The following PLD5 variants were observed in gnomAD, a reference collection of about 807,000 sequenced individuals.
PLD5 encodes phospholipase D family member 5, also known as inactive phospholipase D5.
PLD5 carries 36 observed loss-of-function variants against 61.1 expected under a neutral mutation model. The observed-to-expected ratio is 0.59, with a 90% CI of 0.45 to 0.78. PLD5 has a LOEUF of 0.78. Among genes scored for constraint, PLD5 ranks in the 30% least tolerant of loss-of-function variants. The probability of loss-of-function intolerance (pLI) is 0.00; values close to 1 mark genes in which losing one functional copy is unlikely to be tolerated. For missense variants in PLD5, 515 were observed against 644.4 expected (o/e 0.80, Z 2.17); for synonymous variants, 243 against 242.8 (o/e 1.00, Z -0.01).
chr1:242,290,783 A>T (rs1299838470), intron 2 of PLD5, among the ~76,000 whole-genome samples: 4 of 151,190 alleles, frequency 2.6e-5, no homozygotes, highest in Non-Finnish European at 4.4e-5. Flanking sequence ...TTTTCTTGCA[A>T]AACCAACATA....
chr1:242,263,947 C>A (rs1432109772), intron 4 of PLD5, among the ~76,000 whole-genome samples: 1 of 152,160 alleles, frequency 6.6e-6, no homozygotes, highest in Non-Finnish European at 1.5e-5. Flanking sequence ...TGGGCTATGG[C>A]AAGAAAGAGA....
At chr1:242,133,026 C>T (rs189971402) in intron 5 of PLD5, among the ~76,000 whole-genome samples, 74 of 128,598 alleles carry the variant, frequency 5.8e-4, no homozygotes, top group African/African-American at 2.0e-3. Context: ...CCCCTCTCTT[C>T]CCACCCCCGC....
intron 5 of PLD5, among the ~76,000 whole-genome samples, chr1:242,204,326 T>C (rs1316373087): frequency 2.0e-5 from 3 of 152,176 alleles, no homozygotes; most frequent in East Asian, 1.9e-4. Flanking sequence ...GGTATTACCA[T>C]TGATAATAAC....
intron 5 of PLD5, among the ~76,000 whole-genome samples, chr1:242,204,390 C>T (rs1249245154): frequency 2.0e-5 from 3 of 152,188 alleles, no homozygotes; most frequent in African/African-American, 4.8e-5. Context: ...TCAAGACCTT[C>T]CTTCAAGGGA....
chr1:242,402,127 G>A (rs543960664), intron 1 of PLD5, among the ~76,000 whole-genome samples: 3 of 152,188 alleles, frequency 2.0e-5, no homozygotes, highest in Non-Finnish European at 2.9e-5. Flanking sequence ...CATTCATGCC[G>A]AGAGAATGAT....
At chr1:242,394,704 ACATATATGTG>A (rs1329534799) in intron 1 of PLD5, among the ~76,000 whole-genome samples, 4 of 51,154 alleles carry the variant, frequency 7.8e-5, no homozygotes, top group African/African-American at 9.6e-5. Flanking sequence ...ATATATGTGA[ACATATATGTG>A]TATATATGTG....
intron 1 of PLD5, among the ~76,000 whole-genome samples, chr1:242,359,616 G>A (rs1410310343): frequency 6.6e-6 from 1 of 152,112 alleles, no homozygotes; most frequent in Non-Finnish European, 1.5e-5. Flanking sequence ...ACTGTTTGTG[G>A]GCTCAGGCTG....
chr1:242,137,196 G>A (rs1428097483), intron 5 of PLD5, among the ~76,000 whole-genome samples: 2 of 152,146 alleles, frequency 1.3e-5, no homozygotes, highest in Non-Finnish European at 2.9e-5. Flanking sequence ...TCAGCTGATT[G>A]GAAAATGCAA....
At chr1:242,509,482 A>C (rs935731817) in intron 1 of PLD5, among the ~76,000 whole-genome samples, 2 of 152,242 alleles carry the variant, frequency 1.3e-5, no homozygotes, top group Non-Finnish European at 2.9e-5. Context: ...GCTAGTTATC[A>C]GCGGGGATAT....
intron 1 of PLD5, among the ~76,000 whole-genome samples, chr1:242,398,887 T>A (rs1358817052): frequency 6.6e-6 from 1 of 152,152 alleles, no homozygotes; most frequent in African/African-American, 2.4e-5. Context: ...TTCTATACAG[T>A]CATAGGATAT....
chr1:242,292,498 C>A (rs1295295759), intron 2 of PLD5, among the ~76,000 whole-genome samples: 1 of 152,160 alleles, frequency 6.6e-6, no homozygotes, highest in African/African-American at 2.4e-5. Flanking sequence ...GTCCCTATGG[C>A]TTCTCTTGGG....
intron 7 of PLD5, among the ~76,000 whole-genome samples, chr1:242,108,101 A>G (rs892971381): frequency 1.2e-4 from 19 of 152,104 alleles, no homozygotes. Context: ...GGGTGAGGAC[A>G]GGCTGACTGC....
Position 242,222,273 on chromosome 1 carries a change from T to C in PLD5, c.608-2158A>G, listed in dbSNP as rs207461345. Among the ~76,000 whole-genome samples, 3 of 152,112 alleles carry C rather than the reference T, an allele frequency of 2.0e-5. No individual in the cohort carries two copies. The South Asian group carries it at 6.2e-4, about 32-fold the overall frequency. On this transcript the variant is annotated intron_variant, in intron 4 of 9. Transcript: ENST00000536534. ...ACAGTCTGCAGTTCTGGGGATTACA[T>C]CTTCTACATATCTTTCTGGGGGATG...
chr1:242,458,793 T>C lies in PLD5; in HGVS notation c.189+65295A>G, dbSNP rs956549115. ...TTTAATCAATATCATAGTATTTTAA[T>C]AGTCAGAGCCAGAGACGGTATTTGG... On this transcript the variant is annotated intron_variant, in intron 1 of 9. Transcript: ENST00000536534. Among the ~76,000 whole-genome samples the C allele has an allele frequency of 9.2e-4, 140 of 152,346 alleles. 1 individual carries two copies. The highest frequency in any genetic ancestry group is 3.2e-3 in the African/African-American group (132 of 41,590).
At chr1:242,418,728 G>A (rs983408271) in intron 1 of PLD5, among the ~76,000 whole-genome samples, 19 of 152,104 alleles carry the variant, frequency 1.2e-4, no homozygotes, top group African/African-American at 3.6e-4. Context: ...TTTCATCACC[G>A]AATTGAGCAT....
chr1:242,429,653 T>C (rs369438949), intron 1 of PLD5, among the ~76,000 whole-genome samples: 2 of 152,364 alleles, frequency 1.3e-5, no homozygotes, highest in African/African-American at 4.8e-5. Flanking sequence ...TTACCATTTT[T>C]ACTTCTTATC....
At chr1:242,428,313 T>C (rs1010726444) in intron 1 of PLD5, among the ~76,000 whole-genome samples, 3 of 152,212 alleles carry the variant, frequency 2.0e-5, no homozygotes, top group Non-Finnish European at 4.4e-5. Flanking sequence ...TATAATCCAA[T>C]TGTAGAGTCT....
At chr1:242,246,862 G>A (rs1416197162) in intron 4 of PLD5, among the ~76,000 whole-genome samples, 1 of 152,130 alleles carries the variant, frequency 6.6e-6, no homozygotes, top group African/African-American at 2.4e-5. Context: ...TAGGGAGACA[G>A]GAATTGTGGT....
At chr1:242,403,139 C>T (rs996562713) in intron 1 of PLD5, among the ~76,000 whole-genome samples, 13 of 152,314 alleles carry the variant, frequency 8.5e-5, no homozygotes, top group Admixed American at 3.3e-4. Flanking sequence ...GTGCCTTTGG[C>T]ATGGTTCCGT....
Sources: gnomAD v4.1 joint callset for allele counts (sites outside exome capture counted in the v4.1 genomes callset) on GRCh38, gnomAD v4.1.1 for gene constraint, MANE v1.5 for transcripts, NCBI Gene and HGNC (gene_info 2026-07-23, HGNC 2026-07-21) for gene names.